The following FAM107B variants were observed in gnomAD, a reference collection of about 807,000 sequenced individuals.
FAM107B encodes the protein family with sequence similarity 107 member B, also known as protein FAM107B.
A neutral mutation model predicts 31.5 loss-of-function variants in FAM107B; 21 were observed. That is an observed-to-expected ratio of 0.67 (90% CI 0.47 to 0.96). The LOEUF is 0.96. FAM107B is among the 40% of genes least tolerant of loss of function. The pLI, the probability that FAM107B is intolerant of heterozygous loss-of-function variation, is 0.00. For synonymous variants in FAM107B, 157 were observed against 141.5 expected, an observed-to-expected ratio of 1.11 and a Z score of -0.78; for missense variants, 452 against 377.1, an observed-to-expected ratio of 1.20 and a Z score of -1.64.
intron 2 of FAM107B, among the ~76,000 whole-genome samples, chr10:14,582,452 C>A (rs1258031937): frequency 6.7e-6 from 1 of 148,196 alleles, no homozygotes; most frequent in Non-Finnish European, 1.5e-5. Context: ...TCTCTGCTCA[C>A]GGCAACCTCC....
At chr10:14,713,133 T>C (rs1029706350) in intron 1 of FAM107B, among the ~76,000 whole-genome samples, 9 of 152,132 alleles carry the variant, frequency 5.9e-5, no homozygotes, top group African/African-American at 2.2e-4. Context: ...TCAGATTAAG[T>C]AAACCACATT....
At chr10:14,720,314 C>T (rs1855881754) in intron 1 of FAM107B, among the ~76,000 whole-genome samples, 1 of 152,122 alleles carries the variant, frequency 6.6e-6, no homozygotes, top group South Asian at 2.1e-4. Context: ...AGTGCAGTGG[C>T]ACGATCTTGG....
chr10:14,574,716 G>A (rs1274197444), intron 2 of FAM107B, among the ~76,000 whole-genome samples: 3 of 152,216 alleles, frequency 2.0e-5, no homozygotes, highest in Admixed American at 6.5e-5. Flanking sequence ...TAGTATGAAG[G>A]GTAGGAAATA....
chr10:14,576,458 C>T (rs1038234479), intron 2 of FAM107B, among the ~76,000 whole-genome samples: 5 of 151,998 alleles, frequency 3.3e-5, no homozygotes, highest in African/African-American at 1.2e-4. Context: ...ACCCGGGAGG[C>T]GGAGGCTGCA....
chr10:14,659,930 T>C (rs2131462510), intron 2 of FAM107B, among the ~76,000 whole-genome samples: 1 of 152,292 alleles, frequency 6.6e-6, no homozygotes, highest in East Asian at 1.9e-4. Flanking sequence ...TTTCATCCAT[T>C]TTTAGGTAAA....
intron 2 of FAM107B, among the ~76,000 whole-genome samples, chr10:14,655,816 G>T (rs1273094473): frequency 6.6e-6 from 1 of 152,222 alleles, no homozygotes; most frequent in Non-Finnish European, 1.5e-5. Context: ...CAGCTCCACA[G>T]CTACCTACCC....
At chr10:14,558,239 A>T (rs1332773975) in intron 2 of FAM107B, among the ~76,000 whole-genome samples, 1 of 151,946 alleles carries the variant, frequency 6.6e-6, no homozygotes, top group Non-Finnish European at 1.5e-5. Flanking sequence ...GCATGCGCAC[A>T]CTCACATACG....
In FAM107B at chr10:14,519,030, C is replaced by A. The variant is rs1460392717; in HGVS notation, c.*2160G>T. 6.6e-6 allele frequency: 1 copy of A among 152,498 alleles called. No homozygotes were observed. Among genetic ancestry groups the A allele is most frequent in the Non-Finnish European group, 1.5e-5 (1 of 68,036 alleles). 9.4% of individuals were successfully genotyped at this position (152,498 alleles called of 1,614,324 possible). A position where few individuals can be genotyped will look rare whatever the true frequency, so the allele number is the denominator to read the frequency against. On this transcript the variant is annotated 3_prime_UTR_variant, in exon 5 of 5. Coordinates refer to ENST00000181796, the MANE Select transcript of FAM107B (RefSeq NM_031453.4). ...CAAAGAGCTTCTCTGCCTATACATT[C>A]CACCGTTTAGCATAAGACACCACTT...
intron 1 of FAM107B, among the ~76,000 whole-genome samples, chr10:14,734,574 T>C (rs542799999): frequency 6.8e-4 from 103 of 151,986 alleles, no homozygotes; most frequent in African/African-American, 2.4e-3. Context: ...TCTTCTAATG[T>C]GGCCCGGGGA....
intron 2 of FAM107B, among the ~76,000 whole-genome samples, chr10:14,579,864 A>T (rs934674999): frequency 6.6e-6 from 1 of 152,066 alleles, no homozygotes; most frequent in South Asian, 2.1e-4. Flanking sequence ...TCTACTAAAA[A>T]TACAAAAATT....
At chr10:14,533,568 CTGCAGTCTCAGGCT>C (rs1231830215) in intron 2 of FAM107B, among the ~76,000 whole-genome samples, 2 of 152,238 alleles carry the variant, frequency 1.3e-5, no homozygotes, top group Non-Finnish European at 2.9e-5. Context: ...GACTGGCCCT[CTGCAGTCTCAGGCT>C]TTGCCTGCCC....
At chr10:14,773,423 T>C (rs575934040) in intron 1 of FAM107B, among the ~76,000 whole-genome samples, 3 of 152,280 alleles carry the variant, frequency 2.0e-5, no homozygotes, top group African/African-American at 7.2e-5. Context: ...GTTTTTTAAG[T>C]CTGGTCCTAA....
intron 1 of FAM107B, among the ~76,000 whole-genome samples, chr10:14,714,696 G>A (rs1377001822): frequency 6.6e-6 from 1 of 152,124 alleles, no homozygotes; most frequent in Non-Finnish European, 1.5e-5. Flanking sequence ...CTGAAAAACT[G>A]AGCACTCTTC....
Position 14,519,033 on chromosome 10 carries a change from C to T in FAM107B, c.*2157G>A, listed in dbSNP as rs1297609803. The stretch of plus-strand genomic sequence containing the variant: ...AGAGCTTCTCTGCCTATACATTCCA[C>T]CGTTTAGCATAAGACACCACTTTAC... On this transcript the variant is annotated 3_prime_UTR_variant, in exon 5 of 5. Transcript: ENST00000181796. 1 of 152,508 alleles carries T rather than the reference C, an allele frequency of 6.6e-6. No individual in the cohort carries two copies. Among genetic ancestry groups the T allele is most frequent in the Non-Finnish European group, 1.5e-5 (1 of 68,042 alleles). 9.4% of individuals were successfully genotyped at this position (152,508 alleles called of 1,614,324 possible).
intron 1 of FAM107B, among the ~76,000 whole-genome samples, chr10:14,753,629 G>A (rs11259309): frequency 0.086 from 13,032 of 152,198 alleles, 587 homozygotes; most frequent in South Asian, 0.15. Flanking sequence ...GGTTGGGAAG[G>A]AAATAAGGGG....
In FAM107B at chr10:14,774,320, C is replaced by A. The variant is rs761473780; in HGVS notation, c.344G>T (p.Gly115Val). 1 of 1,614,210 alleles carries A rather than the reference C, an allele frequency of 6.2e-7. No individual in the cohort carries two copies. Among genetic ancestry groups the A allele is most frequent in the Admixed American group, 1.7e-5 (1 of 60,026 alleles). The change falls in exon 1 of 5, where the codon GGG becomes GTG. Residue 115 changes from glycine (G) to valine (V), a missense_variant. By Grantham distance (109) the Gly-to-Val change is moderately radical. Coordinates refer to ENST00000181796, the MANE Select transcript of FAM107B (RefSeq NM_031453.4). ...AAACACCACTGCTTCACAGTCCGCC[C>A]CATCATCCAGGGACCCGGGCACATC... Reference protein sequence around the residue: ...PEDVPGSLDDGADCEAVVFHA... With the variant: ...PEDVPGSLDDVADCEAVVFHA...
rs757851730 is a variant in FAM107B at position 14,774,360 on chromosome 10, CG to C, written c.303del (p.Ala102ArgfsTer53). 6.2e-7 allele frequency: 1 copy of C among 1,614,214 alleles called. No individual in the cohort carries two copies. Among genetic ancestry groups the C allele is most frequent in the South Asian group, 1.1e-5 (1 of 91,082 alleles). ...CCGGGCACATCTTCAGGCGTCTCCG[CG>C]GGCTGGGCCGCAGTGCGGTGACTTG... ...RNSSHRTAAQ[P>X]AETPEDVPGS... On this transcript the variant is annotated frameshift_variant, in exon 1 of 5. Coordinates refer to ENST00000181796, the MANE Select transcript of FAM107B (RefSeq NM_031453.4). LOFTEE classifies it high-confidence loss of function.
intron 1 of FAM107B, among the ~76,000 whole-genome samples, chr10:14,709,062 T>C (rs1015013044): frequency 2.6e-4 from 39 of 152,318 alleles, no homozygotes; most frequent in African/African-American, 8.7e-4. Flanking sequence ...CTGGCCAGGA[T>C]GTGGAGCAGT....
intron 1 of FAM107B, among the ~76,000 whole-genome samples, chr10:14,677,599 C>T (rs970380050): frequency 8.6e-5 from 13 of 151,318 alleles, no homozygotes; most frequent in South Asian, 2.1e-4. Flanking sequence ...CCAGCCTGGG[C>T]GACAGAGCGA....
Sources: allele counts gnomAD v4.1 joint callset (sites outside exome capture counted in the v4.1 genomes callset), GRCh38; gene constraint gnomAD v4.1.1; transcripts MANE v1.5; gene names NCBI Gene and HGNC (gene_info 2026-07-23, HGNC 2026-07-21).